Variants in EPHA3 observed in about 807,000 individuals in gnomAD.
The protein encoded by EPHA3 is EPH receptor A3, also known as ephrin type-A receptor 3.
In EPHA3, 42 loss-of-function variants were observed where a neutral mutation model predicts 107.1. That is an observed-to-expected ratio of 0.39 (90% CI 0.31 to 0.51). EPHA3 has a LOEUF of 0.51. Among genes scored for constraint, EPHA3 ranks in the 20% least tolerant of loss-of-function variants. The pLI, the probability that EPHA3 is intolerant of heterozygous loss-of-function variation, is 0.78. For missense variants in EPHA3, 1,183 were observed against 1,211.2 expected (o/e 0.98, Z 0.35); for synonymous variants, 461 against 424.8 (o/e 1.09, Z -1.05).
intron 3 of EPHA3, among the ~76,000 whole-genome samples, chr3:89,287,748 TAGAG>T (rs1706123059): frequency 1.3e-5 from 2 of 152,184 alleles, no homozygotes; most frequent in Admixed American, 6.5e-5. Context: ...TATCTACAGA[TAGAG>T]AAATTGTGGA....
At chr3:89,467,332 C>T (rs142741953) in intron 15 of EPHA3, among the ~76,000 whole-genome samples, 1 of 152,136 alleles carries the variant, frequency 6.6e-6, no homozygotes, top group African/African-American at 2.4e-5. Flanking sequence ...AATGTATTTC[C>T]TGAAACTATT....
At chr3:89,189,678 C>T (rs556977673) in intron 2 of EPHA3, among the ~76,000 whole-genome samples, 3 of 152,302 alleles carry the variant, frequency 2.0e-5, no homozygotes, top group South Asian at 2.1e-4. Context: ...GTTTCCTGAA[C>T]GTTACTTTGA....
At chr3:89,471,490 T>A (rs1710400982) in intron 15 of EPHA3, among the ~76,000 whole-genome samples, 2 of 152,154 alleles carry the variant, frequency 1.3e-5, no homozygotes, top group African/African-American at 4.8e-5. Context: ...TGCTTCAGCG[T>A]CCCGAGTAGC....
chr3:89,385,502 G>A (rs1463367964), intron 5 of EPHA3, among the ~76,000 whole-genome samples: 1 of 152,138 alleles, frequency 6.6e-6, no homozygotes, highest in East Asian at 1.9e-4. Context: ...TGAAGGACAT[G>A]TTTGCTTCAA....
intron 5 of EPHA3, among the ~76,000 whole-genome samples, chr3:89,391,019 C>A (rs2107498245): frequency 6.6e-6 from 1 of 152,112 alleles, no homozygotes; most frequent in South Asian, 2.1e-4. Context: ...CTCCTGACTG[C>A]AGGTGATCCA....
At chr3:89,456,159 A>G (rs1710094008) in intron 15 of EPHA3, among the ~76,000 whole-genome samples, 1 of 152,204 alleles carries the variant, frequency 6.6e-6, no homozygotes, top group South Asian at 2.1e-4. Context: ...ATCATATGGT[A>G]AAAGCCTAGA....
chr3:89,169,886 T>A (rs567459611), intron 2 of EPHA3, among the ~76,000 whole-genome samples: 1 of 152,312 alleles, frequency 6.6e-6, no homozygotes, highest in South Asian at 2.1e-4. Context: ...CCTTTGTTAA[T>A]TAGATACAGT....
intron 5 of EPHA3, among the ~76,000 whole-genome samples, chr3:89,347,399 T>C (rs1436174201): frequency 6.7e-6 from 1 of 149,864 alleles, no homozygotes; most frequent in Non-Finnish European, 1.5e-5. Flanking sequence ...GGGAGTTCAC[T>C]CATGATTTGG....
At chr3:89,211,239 T>C (rs1272188822) in intron 3 of EPHA3, among the ~76,000 whole-genome samples, 3 of 152,084 alleles carry the variant, frequency 2.0e-5, no homozygotes, top group African/African-American at 7.2e-5. Flanking sequence ...TTAATATTTA[T>C]TAAAATCGCT....
intron 5 of EPHA3, among the ~76,000 whole-genome samples, chr3:89,394,906 G>T (rs1461119576): frequency 6.6e-6 from 1 of 152,132 alleles, no homozygotes; most frequent in Non-Finnish European, 1.5e-5. Flanking sequence ...GAGACATTTC[G>T]ATTGGCGAGT....
intron 2 of EPHA3, among the ~76,000 whole-genome samples, chr3:89,129,902 A>C (rs574919686): frequency 6.6e-5 from 10 of 152,282 alleles, no homozygotes; most frequent in African/African-American, 2.4e-4. Flanking sequence ...AAATTAATTA[A>C]CTCTAATAAC....
chr3:89,321,319 A>C (rs1707039753), intron 3 of EPHA3, among the ~76,000 whole-genome samples: 1 of 152,058 alleles, frequency 6.6e-6, no homozygotes, highest in South Asian at 2.1e-4. Flanking sequence ...TGCCGATCAG[A>C]AGTAATATAC....
At position 89,113,485 on chromosome 3, in the gene EPHA3, C is replaced by CAAAAAAAAAAAAAAAAAAA. The variant is rs753848304; in HGVS notation, c.88+5659_88+5677dup. Among the ~76,000 whole-genome samples the CAAAAAAAAAAAAAAAAAAA allele has an allele frequency of 1.6e-4, 5 of 31,102 alleles. 1 individual carries two copies. Among genetic ancestry groups the CAAAAAAAAAAAAAAAAAAA allele is most frequent in the Admixed American group, 8.3e-4 (1 of 1,210 alleles). 20.4% of individuals were successfully genotyped at this position (31,102 alleles called of 152,430 possible). ...TTGCCTCCTACCAGCTTCCTTTGTA[C>CAAAAAAAAAAAAAAAAAAA]AAAAAAAAAAAAAAAAAAAAAAAAA... On this transcript the variant is annotated intron_variant, in intron 1 of 16. Transcript: ENST00000336596.
chr3:89,177,574 A>T (rs1705347280), intron 2 of EPHA3, among the ~76,000 whole-genome samples: 1 of 152,194 alleles, frequency 6.6e-6, no homozygotes, highest in Non-Finnish European at 1.5e-5. Flanking sequence ...TTTTTTAAAA[A>T]TTTTTGAAAT....
intron 2 of EPHA3, among the ~76,000 whole-genome samples, chr3:89,171,855 C>A (rs1705216241): frequency 6.6e-6 from 1 of 152,174 alleles, no homozygotes; most frequent in Admixed American, 6.5e-5. Flanking sequence ...AAATGCATGA[C>A]TCAGAGATGT....
chr3:89,180,160 C>T (rs1340154167), intron 2 of EPHA3, among the ~76,000 whole-genome samples: 3 of 151,998 alleles, frequency 2.0e-5, no homozygotes, highest in Admixed American at 6.6e-5. Context: ...GCATAGTGTG[C>T]CAATTAAATG....
intron 2 of EPHA3, among the ~76,000 whole-genome samples, chr3:89,147,861 G>A (rs1011897431): frequency 6.6e-6 from 1 of 151,918 alleles, no homozygotes; most frequent in African/African-American, 2.4e-5. Context: ...GTAAAAATCA[G>A]TCAGTTCTTT....
intron 3 of EPHA3, among the ~76,000 whole-genome samples, chr3:89,249,560 G>C (rs564463756): frequency 2.3e-4 from 35 of 151,942 alleles, no homozygotes; most frequent in East Asian, 9.7e-4. Flanking sequence ...TCCTGGGCTC[G>C]AGCAATTCCC....
intron 3 of EPHA3, among the ~76,000 whole-genome samples, chr3:89,239,975 TTCTAGCCA>T (rs1704856321): frequency 6.6e-6 from 1 of 152,186 alleles, no homozygotes; most frequent in Admixed American, 6.5e-5. Flanking sequence ...TCCAGACCTA[TTCTAGCCA>T]TCTGATCCTC....
Sources: gnomAD v4.1 joint callset for allele counts (sites outside exome capture counted in the v4.1 genomes callset) on GRCh38, gnomAD v4.1.1 for gene constraint, MANE v1.5 for transcripts, NCBI Gene and HGNC (gene_info 2026-07-23, HGNC 2026-07-21) for gene names.